Variants in CPA6 observed in about 807,000 individuals in gnomAD.
CPA6 encodes the protein carboxypeptidase A6, also known as carboxypeptidase B.
A neutral mutation model predicts 63.3 loss-of-function variants in CPA6; 58 were observed. The ratio of observed to expected loss-of-function variants is 0.92; its 90% confidence interval spans 0.74 to 1.14. CPA6 has a LOEUF of 1.14. CPA6 is among the 50% of genes most tolerant of loss of function. CPA6 has a pLI of 0.00. For synonymous variants in CPA6, 185 were observed against 179.0 expected, an observed-to-expected ratio of 1.03 and a Z score of -0.27; for missense variants, 565 against 526.6, an observed-to-expected ratio of 1.07 and a Z score of -0.71.
intron 2 of CPA6, among the ~76,000 whole-genome samples, chr8:67,599,632 C>G (rs1390669551): frequency 6.6e-6 from 1 of 152,188 alleles, no homozygotes; most frequent in East Asian, 1.9e-4. Context: ...CAAGTATGAG[C>G]CAATGCTGAT....
intron 3 of CPA6, among the ~76,000 whole-genome samples, chr8:67,513,357 G>T (rs764730485): frequency 1.7e-4 from 26 of 152,288 alleles, no homozygotes; most frequent in Non-Finnish European, 3.2e-4. Flanking sequence ...ATGGTCAAGA[G>T]GGATACGAGT....
chr8:67,711,014 T>C (rs1225910651), intron 1 of CPA6, among the ~76,000 whole-genome samples: 1 of 152,230 alleles, frequency 6.6e-6, no homozygotes, highest in Non-Finnish European at 1.5e-5. Context: ...TTCCCATCTT[T>C]GCATCTTGCT....
chr8:67,730,840 T>A (rs1817692213), intron 1 of CPA6, among the ~76,000 whole-genome samples: 1 of 152,202 alleles, frequency 6.6e-6, no homozygotes, highest in South Asian at 2.1e-4. Flanking sequence ...AGAAGAATCT[T>A]TGGAGTGATC....
intron 1 of CPA6, among the ~76,000 whole-genome samples, chr8:67,738,147 G>A (rs1328663446): frequency 6.6e-6 from 1 of 152,176 alleles, no homozygotes; most frequent in African/African-American, 2.4e-5. Flanking sequence ...GGATATCAGA[G>A]TAACCACTCA....
In CPA6 at chr8:67,435,524, G is replaced by A. The variant is rs537728537; in HGVS notation, c.839-1284C>T. On this transcript the variant is annotated intron_variant, in intron 8 of 10. Coordinates refer to ENST00000297770, the MANE Select transcript of CPA6 (RefSeq NM_020361.5). ...GAGACGGCAGGTGCGGGGAGGCTCC[G>A]GCCTTCCTTGGTGCCCCGCCCTTTG... Among the ~76,000 whole-genome samples the A allele has an allele frequency of 1.1e-4, 17 of 152,240 alleles. No individual in the cohort carries two copies. The East Asian group carries it at 2.1e-3, about 19-fold the overall frequency.
chr8:67,718,649 GTT>G (rs765690137), intron 1 of CPA6, among the ~76,000 whole-genome samples: 6 of 141,022 alleles, frequency 4.3e-5, no homozygotes, highest in Admixed American at 7.1e-5. Flanking sequence ...GACAGCTGAA[GTT>G]TTTTTTTTTT....
At chr8:67,472,712 A>G (rs1448019975) in intron 8 of CPA6, among the ~76,000 whole-genome samples, 1 of 152,132 alleles carries the variant, frequency 6.6e-6, no homozygotes, top group African/African-American at 2.4e-5. Context: ...ACAGGCATGA[A>G]CCATTGCGCC....
At chr8:67,438,286 G>A (rs1201362810) in intron 8 of CPA6, among the ~76,000 whole-genome samples, 1 of 152,020 alleles carries the variant, frequency 6.6e-6, no homozygotes, top group East Asian at 1.9e-4. Flanking sequence ...AGATAAAGAG[G>A]AAAATATCAA....
chr8:67,631,366 C>T (rs1031267030), intron 1 of CPA6, among the ~76,000 whole-genome samples: 5 of 152,186 alleles, frequency 3.3e-5, no homozygotes, highest in African/African-American at 1.2e-4. Flanking sequence ...CCATTCAGCA[C>T]TCTGTGTCTA....
chr8:67,614,006 A>C (rs141907567), intron 2 of CPA6, among the ~76,000 whole-genome samples: 61 of 152,230 alleles, frequency 4.0e-4, no homozygotes, highest in African/African-American at 1.3e-3. Flanking sequence ...AGCCACCTCC[A>C]CCACTCAATA....
intron 2 of CPA6, among the ~76,000 whole-genome samples, chr8:67,618,707 C>T (rs1815013014): frequency 6.6e-6 from 1 of 152,166 alleles, no homozygotes; most frequent in African/African-American, 2.4e-5. Context: ...AACAGAAATA[C>T]CATTAATTGT....
At chr8:67,442,911 C>T (rs1303693881) in intron 8 of CPA6, among the ~76,000 whole-genome samples, 1 of 152,194 alleles carries the variant, frequency 6.6e-6, no homozygotes, top group Non-Finnish European at 1.5e-5. Flanking sequence ...GTATCCTTTA[C>T]AAGGCAACTT....
At chr8:67,626,034 T>A (rs992434491) in intron 1 of CPA6, among the ~76,000 whole-genome samples, 1 of 152,176 alleles carries the variant, frequency 6.6e-6, no homozygotes, top group African/African-American at 2.4e-5. Context: ...ACCTCCTTCT[T>A]TGCTCCCTCT....
At chr8:67,475,891 TTTCTTTC>T (rs1460861423) in intron 8 of CPA6, among the ~76,000 whole-genome samples, 14 of 72,266 alleles carry the variant, frequency 1.9e-4, no homozygotes, top group East Asian at 3.5e-4. Flanking sequence ...CCTTTCTTTC[TTTCTTTC>T]TTTCTTTCTT....
chr8:67,597,995 A>G (rs377513900), intron 2 of CPA6, among the ~76,000 whole-genome samples: 2 of 152,204 alleles, frequency 1.3e-5, no homozygotes, highest in East Asian at 3.8e-4. Flanking sequence ...ATCACCTTAA[A>G]CTAATTTTAG....
At position 67,511,617 on chromosome 8, in the gene CPA6, C is replaced by A; in HGVS notation, c.356G>T (p.Gly119Val). ...IEDLQKTLEK[G>V]SSLHTQRNRR... is the part of the protein sequence containing the mutation. ...GTTTCTCTGGGTGTGCAAGCTGCTT[C>A]CCTTCTCCAGTGTTTTCTGAAGATC... The change falls in exon 4 of 11, where the codon GGA becomes GTA. Residue 119 changes from glycine to valine, a missense_variant. By Grantham distance (109) the Gly-to-Val change is moderately radical. Transcript: ENST00000297770. 6.2e-7 allele frequency: 1 copy of A among 1,612,506 alleles called. No individual in the cohort carries two copies. The highest frequency in any genetic ancestry group is 8.5e-7 in the Non-Finnish European group (1 of 1,178,664).
chr8:67,699,504 TAAAC>T (rs544437972), intron 1 of CPA6, among the ~76,000 whole-genome samples: 133 of 150,226 alleles, frequency 8.9e-4, no homozygotes, highest in African/African-American at 2.8e-3. Flanking sequence ...AATAAATAAA[TAAAC>T]AAACAAACAA....
At chr8:67,675,940 C>A (rs1284015580) in intron 1 of CPA6, among the ~76,000 whole-genome samples, 1 of 152,186 alleles carries the variant, frequency 6.6e-6, no homozygotes, top group Admixed American at 6.5e-5. Context: ...CAGCCCCAAA[C>A]CTTGGACTAA....
chr8:67,528,530 G>A (rs1324356745), intron 2 of CPA6, among the ~76,000 whole-genome samples: 1 of 152,100 alleles, frequency 6.6e-6, no homozygotes, highest in African/African-American at 2.4e-5. Flanking sequence ...GCTGATTCCT[G>A]CCTTGTTTTC....
Sources: allele counts gnomAD v4.1 joint callset (sites outside exome capture counted in the v4.1 genomes callset), GRCh38; gene constraint gnomAD v4.1.1; transcripts MANE v1.5; gene names NCBI Gene and HGNC (gene_info 2026-07-23, HGNC 2026-07-21).